The following GRID2 variants were observed in gnomAD, a reference collection of about 807,000 sequenced individuals.
The protein encoded by GRID2 is glutamate receptor ionotropic, delta-2.
A neutral mutation model predicts 114.8 loss-of-function variants in GRID2; 33 were observed. The ratio of observed to expected loss-of-function variants is 0.29; its 90% CI spans 0.22 to 0.38. The LOEUF is 0.38. Ranked by LOEUF, GRID2 falls within the 10% of genes least tolerant of loss-of-function variation. GRID2 has a pLI of 1.00. For synonymous variants in GRID2, 505 were observed against 449.9 expected, an observed-to-expected ratio of 1.12 and a Z score of -1.55; for missense variants, 1,184 against 1,257.7, an observed-to-expected ratio of 0.94 and a Z score of 0.89.
intron 14 of GRID2, among the ~76,000 whole-genome samples, chr4:93,713,283 C>A (rs1343705948): frequency 6.6e-6 from 1 of 152,048 alleles, no homozygotes; most frequent in Non-Finnish European, 1.5e-5. Flanking sequence ...TTCAATGTTT[C>A]CAGAATTCTG....
At chr4:92,554,631 C>T (rs1254718395) in intron 1 of GRID2, among the ~76,000 whole-genome samples, 1 of 152,106 alleles carries the variant, frequency 6.6e-6, no homozygotes, top group African/African-American at 2.4e-5. Flanking sequence ...AAAATCTATC[C>T]ATTGGACATT....
rs2149317827 is a variant in GRID2, at chr4:93,387,460, G to A, written c.1246-8147G>A. Among the ~76,000 whole-genome samples, 3 of 152,198 alleles carry A rather than the reference G, an allele frequency of 2.0e-5. No homozygotes were observed. The Middle Eastern group carries it at 0.01, about 518-fold the overall frequency. On this transcript the variant is annotated intron_variant, in intron 8 of 15. Coordinates refer to ENST00000282020, the MANE Select transcript of GRID2 (RefSeq NM_001510.4). ...AAATTCACCATCTAAATTTAAAAGG[G>A]GGAAAAATCTCAGCTGATAGCTGGT...
rs549311298 is a variant in GRID2, at chr4:93,650,368, A to AAAAGCATAG, written c.2360+23935_2360+23943dup. Among the ~76,000 whole-genome samples, 628 of 149,344 alleles carry AAAAGCATAG rather than the reference A, an allele frequency of 4.2e-3. 7 individuals carry two copies. The highest frequency in any genetic ancestry group is 0.015 in the African/African-American group (605 of 41,258). On this transcript the variant is annotated intron_variant, in intron 14 of 15. Coordinates refer to ENST00000282020, the MANE Select transcript of GRID2 (RefSeq NM_001510.4). Reference sequence around the variant, plus strand: ...GAATTATATGTTATTTTATTTATGAAAAAGCATAGATTTTTTTTTAAAATA... The same window carrying AAAAGCATAG: ...GAATTATATGTTATTTTATTTATGAAAAAGCATAGAAAGCATAGATTTTTTTTTAAAATA...
At chr4:93,367,003 A>G (rs2149284452) in intron 8 of GRID2, among the ~76,000 whole-genome samples, 1 of 152,136 alleles carries the variant, frequency 6.6e-6, no homozygotes, top group East Asian at 1.9e-4. Flanking sequence ...CATAAAGAGA[A>G]TCAAAGTATA....
At chr4:92,840,033 A>G (rs977876361) in intron 2 of GRID2, among the ~76,000 whole-genome samples, 2 of 152,068 alleles carry the variant, frequency 1.3e-5, no homozygotes, top group Non-Finnish European at 2.9e-5. Flanking sequence ...AAAACTTGTT[A>G]TATCCTCCTG....
chr4:92,981,417 C>T (rs988531948), intron 2 of GRID2, among the ~76,000 whole-genome samples: 1 of 151,948 alleles, frequency 6.6e-6, no homozygotes, highest in Admixed American at 6.6e-5. Context: ...AGTAATTGTA[C>T]ACTTGAGTAA....
intron 1 of GRID2, among the ~76,000 whole-genome samples, chr4:92,476,567 C>T (rs1381928928): frequency 1.3e-5 from 2 of 152,046 alleles, no homozygotes; most frequent in Non-Finnish European, 2.9e-5. Flanking sequence ...TGTTGCTTTA[C>T]TTATCCAATC....
chr4:92,324,715 ATC>A (rs113677955), intron 1 of GRID2, among the ~76,000 whole-genome samples: 3,814 of 152,054 alleles, frequency 0.025, 176 homozygotes, highest in African/African-American at 0.087. Flanking sequence ...TGCAAATAAC[ATC>A]TCTATGATTT....
chr4:92,588,673 C>A (rs557569355), intron 1 of GRID2, among the ~76,000 whole-genome samples: 2 of 102,350 alleles, frequency 2.0e-5, no homozygotes, highest in Admixed American at 1.1e-4. Context: ...AGTGAGACTC[C>A]GTCTCAAAAA....
intron 2 of GRID2, among the ~76,000 whole-genome samples, chr4:93,081,807 C>T (rs1318136480): frequency 1.3e-5 from 2 of 152,160 alleles, no homozygotes; most frequent in African/African-American, 4.8e-5. Context: ...ATCAAATGAA[C>T]TGACTATGCA....
At chr4:93,454,175 C>T (rs1019334751) in intron 10 of GRID2, among the ~76,000 whole-genome samples, 8 of 151,794 alleles carry the variant, frequency 5.3e-5, no homozygotes, top group Admixed American at 2.0e-4. Flanking sequence ...ATCCATGGTA[C>T]GTATACTAAT....
At chr4:92,907,243 G>T (rs1748026256) in intron 2 of GRID2, among the ~76,000 whole-genome samples, 2 of 151,874 alleles carry the variant, frequency 1.3e-5, no homozygotes, top group Non-Finnish European at 2.9e-5. Flanking sequence ...TTCTTCCCTT[G>T]TCTTAATGTA....
chr4:92,449,459 T>G (rs78433014), intron 1 of GRID2, among the ~76,000 whole-genome samples: 21,343 of 151,340 alleles, frequency 0.14, 1,811 homozygotes, highest in South Asian at 0.21. Flanking sequence ...GAGTTGAAAA[T>G]TTTTTTCCAT....
chr4:93,056,600 AACT>A (rs1727267987), intron 2 of GRID2, among the ~76,000 whole-genome samples: 1 of 152,084 alleles, frequency 6.6e-6, no homozygotes, highest in East Asian at 1.9e-4. Flanking sequence ...CTCAATTTCT[AACT>A]ACCCTTTTTC....
intron 2 of GRID2, among the ~76,000 whole-genome samples, chr4:92,809,679 A>G (rs1225479677): frequency 6.6e-6 from 1 of 151,982 alleles, no homozygotes; most frequent in Admixed American, 6.6e-5. Context: ...GGCAAACCAA[A>G]CAGAAATAGG....
intron 2 of GRID2, among the ~76,000 whole-genome samples, chr4:92,612,352 C>A (rs1729796425): frequency 2.0e-5 from 3 of 151,336 alleles, no homozygotes; most frequent in Non-Finnish European, 4.4e-5. Context: ...CATATTGTAG[C>A]TTTATGGCAA....
chr4:92,527,682 CACTT>C (rs1417244460), intron 1 of GRID2, among the ~76,000 whole-genome samples: 4 of 151,974 alleles, frequency 2.6e-5, no homozygotes, highest in Middle Eastern at 3.2e-3. Context: ...GAATTTTTCT[CACTT>C]AGTGTGTTAG....
chr4:92,404,723 C>A (rs1730945867), intron 1 of GRID2, among the ~76,000 whole-genome samples: 3 of 152,058 alleles, frequency 2.0e-5, no homozygotes, highest in African/African-American at 7.2e-5. Flanking sequence ...AGATCATGTC[C>A]TTTGCAGGGA....
At chr4:93,084,939 A>C in intron 2 of GRID2, 56 bp from the exon 3 acceptor site, 1 of 1,421,750 alleles carries the variant, frequency 7.0e-7, no homozygotes, top group Non-Finnish European at 9.8e-7. Context: ...CTTCTCAAAA[A>C]GGGAAAACTA....
Sources: allele counts gnomAD v4.1 joint callset (sites outside exome capture counted in the v4.1 genomes callset), GRCh38; gene constraint gnomAD v4.1.1; transcripts MANE v1.5; gene names NCBI Gene and HGNC (gene_info 2026-07-23, HGNC 2026-07-21).